The following DOK6 variants were observed in gnomAD, a reference collection of about 807,000 sequenced individuals.
DOK6 encodes downstream of tyrosine kinase 6.
In DOK6, 22 loss-of-function variants were observed where a neutral mutation model predicts 44.0. That is an observed-to-expected ratio of 0.50 (90% CI 0.36 to 0.71). The LOEUF is 0.71. DOK6 is among the 30% of genes least tolerant of loss of function. DOK6 has a pLI of 0.00. For synonymous variants in DOK6, 166 were observed against 145.5 expected (o/e 1.14, Z -1.01); for missense variants, 340 against 416.4 (o/e 0.82, Z 1.60).
chr18:69,752,161 CTA>C (rs1421803803), intron 6 of DOK6, among the ~76,000 whole-genome samples: 1 of 151,154 alleles, frequency 6.6e-6, no homozygotes, highest in African/African-American at 2.5e-5. Context: ...ACAAGTCTCT[CTA>C]AAAGATAAAT....
chr18:69,830,742 G>C (rs1981878716), intron 7 of DOK6, among the ~76,000 whole-genome samples: 1 of 152,172 alleles, frequency 6.6e-6, no homozygotes, highest in African/African-American at 2.4e-5. Flanking sequence ...ATTGAGTTGT[G>C]AAAATTGACA....
chr18:69,705,224 G>A (rs1986608630), intron 5 of DOK6: 1 of 152,176 alleles, frequency 6.6e-6, no homozygotes, highest in Admixed American at 6.5e-5. Context: ...GAGATCTGAA[G>A]GTTACTGAAT....
At chr18:69,779,558 A>G (rs1224519516) in intron 7 of DOK6, among the ~76,000 whole-genome samples, 17 of 152,136 alleles carry the variant, frequency 1.1e-4, no homozygotes, top group Admixed American at 9.8e-4. Context: ...TTGACTTGTA[A>G]TAGAAATTGT....
chr18:69,669,561 C>A (rs1207449541), intron 3 of DOK6, among the ~76,000 whole-genome samples: 1 of 152,044 alleles, frequency 6.6e-6, no homozygotes, highest in Admixed American at 6.6e-5. Flanking sequence ...TCCTTTATAC[C>A]AGATGTCCTT....
At chr18:69,507,138 C>T (rs35808410) in intron 1 of DOK6, among the ~76,000 whole-genome samples, 44 of 151,822 alleles carry the variant, frequency 2.9e-4, no homozygotes, top group African/African-American at 1.1e-3. Context: ...AGCAATTCCC[C>T]TGCCTCAGCC....
At chr18:69,545,299 T>G (rs1021990398) in intron 1 of DOK6, among the ~76,000 whole-genome samples, 2 of 150,348 alleles carry the variant, frequency 1.3e-5, no homozygotes, top group Non-Finnish European at 3.0e-5. Context: ...AAAATTTCCT[T>G]CTGCTTGGGG....
intron 1 of DOK6, among the ~76,000 whole-genome samples, chr18:69,555,103 A>C (rs191649412): frequency 6.6e-6 from 1 of 152,288 alleles, no homozygotes; most frequent in Admixed American, 6.5e-5. Flanking sequence ...CCTAATATGT[A>C]AAAATTTATA....
rs903984198 is a variant in DOK6 at position 69,619,123 on chromosome 18, G to T, written c.289+19625G>T. 3.3e-5 allele frequency among the ~76,000 whole-genome samples: 5 copies of T among 151,710 alleles called. No individual in the cohort carries two copies. The East Asian group carries it at 7.7e-4, about 23-fold the overall frequency. On this transcript the variant is annotated intron_variant, in intron 3 of 7. Coordinates refer to ENST00000382713, the MANE Select transcript of DOK6 (RefSeq NM_152721.6). ...TCAAGAGGAGTAGACTGGAGAGAAA[G>T]CAAGTAAAGCCAAAGAGGAGTAAGT...
At chr18:69,448,357 C>CT (rs992140730) in intron 1 of DOK6, among the ~76,000 whole-genome samples, 3 of 151,980 alleles carry the variant, frequency 2.0e-5, no homozygotes, top group Admixed American at 1.3e-4. Context: ...CAAATTGATT[C>CT]TTTTTTTATT....
At chr18:69,494,082 C>T (rs12608231) in intron 1 of DOK6, among the ~76,000 whole-genome samples, 47,209 of 152,106 alleles carry the variant, frequency 0.31, 7,649 homozygotes, top group East Asian at 0.58. Context: ...CTTCTAATAT[C>T]AACAAATTTG....
intron 1 of DOK6, among the ~76,000 whole-genome samples, chr18:69,417,680 T>C (rs1025810644): frequency 6.9e-6 from 1 of 145,266 alleles, no homozygotes; most frequent in Non-Finnish European, 1.6e-5. Flanking sequence ...CCATCAACAG[T>C]GTGCAAACAT....
chr18:69,734,451 T>C (rs1342674174), intron 5 of DOK6, among the ~76,000 whole-genome samples: 2 of 131,108 alleles, frequency 1.5e-5, no homozygotes, highest in East Asian at 4.7e-4. Context: ...ACAATAAAGA[T>C]TAAACTGTTA....
intron 5 of DOK6, among the ~76,000 whole-genome samples, chr18:69,701,371 C>A (rs1599271900): frequency 6.6e-6 from 1 of 152,306 alleles, no homozygotes; most frequent in African/African-American, 2.4e-5. Context: ...AAGGTAGAAA[C>A]AACCAATTTG....
intron 2 of DOK6, among the ~76,000 whole-genome samples, chr18:69,575,584 A>T (rs1568300955): frequency 6.6e-6 from 1 of 152,162 alleles, no homozygotes; most frequent in Non-Finnish European, 1.5e-5. Flanking sequence ...GAGCCCTGAC[A>T]GGAAAAAAGC....
chr18:69,822,511 A>G (rs980884879), intron 7 of DOK6, among the ~76,000 whole-genome samples: 6 of 152,242 alleles, frequency 3.9e-5, no homozygotes, highest in Non-Finnish European at 8.8e-5. Context: ...CAGGAGGGAA[A>G]CTACAAGTTT....
At chr18:69,681,348 C>A (rs1336654264) in intron 4 of DOK6, among the ~76,000 whole-genome samples, 1 of 152,212 alleles carries the variant, frequency 6.6e-6, no homozygotes, top group Non-Finnish European at 1.5e-5. Flanking sequence ...CAGCCTGAGA[C>A]TAGCTAAGAA....
rs545714845 is a variant in DOK6, at chr18:69,629,164, A to C, written c.289+29666A>C. On this transcript the variant is annotated intron_variant, in intron 3 of 7. Transcript: ENST00000382713. ...ATTAACCTGGCAGCTGTTCTGAGAG[A>C]GTTCAGGCAGCTTCATATCTATGCA... is the stretch of plus-strand genomic sequence containing the variant. Among the ~76,000 whole-genome samples, 6 of 152,286 alleles carry C rather than the reference A, an allele frequency of 3.9e-5. No homozygotes were observed. The East Asian group carries it at 1.2e-3, about 29-fold the overall frequency.
chr18:69,634,959 T>G (rs1234053833), intron 3 of DOK6, among the ~76,000 whole-genome samples: 1 of 152,220 alleles, frequency 6.6e-6, no homozygotes, highest in Admixed American at 6.5e-5. Context: ...AGTAATCTCC[T>G]TCTTAATTTT....
At chr18:69,820,614 A>T (rs906619843) in intron 7 of DOK6, among the ~76,000 whole-genome samples, 4 of 152,188 alleles carry the variant, frequency 2.6e-5, no homozygotes, top group Non-Finnish European at 5.9e-5. Flanking sequence ...AGAAAATATC[A>T]TCAGAATGTA....
Sources: allele counts gnomAD v4.1 joint callset (sites outside exome capture counted in the v4.1 genomes callset), GRCh38; gene constraint gnomAD v4.1.1; transcripts MANE v1.5; gene names NCBI Gene and HGNC (gene_info 2026-07-23, HGNC 2026-07-21).